GHR: variants seen among roughly 807,000 people sequenced by gnomAD.
GHR encodes the protein growth hormone receptor.
A neutral mutation model predicts 67.1 loss-of-function variants in GHR; 35 were observed. The observed-to-expected ratio is 0.52, with a 90% confidence interval of 0.40 to 0.69. GHR has a LOEUF of 0.69. GHR is among the 30% of genes least tolerant of loss of function. The pLI is 0.00. For missense variants in GHR, 792 were observed against 764.6 expected (o/e 1.04, Z -0.42); for synonymous variants, 272 against 269.1 (o/e 1.01, Z -0.10).
intron 3 of GHR, among the ~76,000 whole-genome samples, chr5:42,649,071 C>G (rs1456241763): frequency 6.6e-6 from 1 of 152,116 alleles, no homozygotes; most frequent in Non-Finnish European, 1.5e-5. Context: ...CCTCAGAAGC[C>G]TAACTGGAGC....
intron 1 of GHR, among the ~76,000 whole-genome samples, chr5:42,469,425 T>C (rs1270696342): frequency 6.6e-6 from 1 of 152,094 alleles, no homozygotes; most frequent in Non-Finnish European, 1.5e-5. Context: ...TATTCCACTT[T>C]GACAGAACAG....
chr5:42,668,980 G>A, intron 3 of GHR, among the ~76,000 whole-genome samples: 1 of 152,096 alleles, frequency 6.6e-6, no homozygotes, highest in Admixed American at 6.6e-5. Context: ...CATAGACTTA[G>A]GAATTTTAAT....
intron 1 of GHR, among the ~76,000 whole-genome samples, chr5:42,535,381 G>A (rs1748211103): frequency 6.6e-6 from 1 of 152,088 alleles, no homozygotes; most frequent in Admixed American, 6.6e-5. Context: ...TATGTGACTA[G>A]CCAATTATCC....
intron 3 of GHR, among the ~76,000 whole-genome samples, chr5:42,665,879 C>G (rs866313003): frequency 2.4e-4 from 37 of 152,226 alleles, no homozygotes; most frequent in Non-Finnish European, 2.6e-4. Context: ...GAAAAGAAAG[C>G]ATGTGCAGGG....
chr5:42,527,411 T>C (rs1443497981), intron 1 of GHR, among the ~76,000 whole-genome samples: 1 of 152,052 alleles, frequency 6.6e-6, no homozygotes, highest in Non-Finnish European at 1.5e-5. Context: ...GGGGTTGCAA[T>C]CCTAATTTCA....
At chr5:42,443,994 C>T (rs372304151) in intron 1 of GHR, among the ~76,000 whole-genome samples, 4,038 of 101,560 alleles carry the variant, frequency 0.04, 76 homozygotes, top group Non-Finnish European at 0.053. Flanking sequence ...TAGATATAGA[C>T]ATAGACATAG....
At chr5:42,577,853 G>C (rs1388999196) in intron 2 of GHR, among the ~76,000 whole-genome samples, 1 of 152,186 alleles carries the variant, frequency 6.6e-6, no homozygotes, top group Admixed American at 6.5e-5. Flanking sequence ...CCATGAACTT[G>C]CTGTTCCTCT....
At position 42,642,053 on chromosome 5, in the gene GHR, AT is replaced by A. The variant is rs1754503168; in HGVS notation, c.136+12951del. On this transcript the variant is annotated intron_variant, in intron 3 of 9. Coordinates refer to ENST00000230882, the MANE Select transcript of GHR (RefSeq NM_000163.5). ...GAAAATAATTAGGAGAAGAAATCAT[AT>A]GTTTTCAGATGAAAAGAATCTGAGG... 3.7e-5 allele frequency among the ~76,000 whole-genome samples: 4 copies of A among 108,566 alleles called. No homozygotes were observed. The South Asian group carries it at 9.5e-4, about 26-fold the overall frequency. The allele number at this position is 108,566 out of a possible 152,430, so 71.2% of individuals were successfully genotyped here. A position where few individuals can be genotyped will look rare whatever the true frequency, so the allele number is the denominator to read the frequency against.
rs1302919487 is a variant in GHR at position 42,629,445 on chromosome 5, A to T, written c.136+342A>T. Among the ~76,000 whole-genome samples, 4 of 130,226 alleles carry T rather than the reference A, an allele frequency of 3.1e-5. 1 individual carries two copies. Among genetic ancestry groups the T allele is most frequent in the Non-Finnish European group, 6.5e-5 (4 of 61,998 alleles). 85.4% of individuals were successfully genotyped at this position (130,226 alleles called of 152,430 possible). On this transcript the variant is annotated intron_variant, in intron 3 of 9. Transcript: ENST00000230882. Reference sequence around the variant, plus strand: ...GAGTTCTCATGAGATCTGGTTGTTTAAAAGTGTGTGGCACCTCCCCCTTCA... The same window carrying T: ...GAGTTCTCATGAGATCTGGTTGTTTTAAAGTGTGTGGCACCTCCCCCTTCA...
At chr5:42,428,760 TTCTTCA>T (rs1742963816) in intron 1 of GHR, among the ~76,000 whole-genome samples, 1 of 152,158 alleles carries the variant, frequency 6.6e-6, no homozygotes, top group Non-Finnish European at 1.5e-5. Flanking sequence ...TCCCAACAAG[TTCTTCA>T]TCTTCATCTG....
At chr5:42,447,542 C>T (rs1009701046) in intron 1 of GHR, among the ~76,000 whole-genome samples, 32 of 152,028 alleles carry the variant, frequency 2.1e-4, no homozygotes, top group African/African-American at 7.5e-4. Flanking sequence ...GGCATTTAGG[C>T]TTGTTCCATA....
At chr5:42,525,721 C>T (rs576262353) in intron 1 of GHR, among the ~76,000 whole-genome samples, 39 of 151,990 alleles carry the variant, frequency 2.6e-4, no homozygotes, top group Non-Finnish European at 5.1e-4. Flanking sequence ...TGGGAGGGAC[C>T]CAGGGGGAGG....
chr5:42,565,832 T>C, intron 1 of GHR, 32 bp from the exon 2 acceptor site: 2 of 1,613,936 alleles, frequency 1.2e-6, no homozygotes, highest in Non-Finnish European at 1.7e-6. Context: ...TTTTAATTGC[T>C]GGGCTTTACC....
chr5:42,717,144 C>CA (rs1395740343), intron 8 of GHR, among the ~76,000 whole-genome samples: 1 of 152,106 alleles, frequency 6.6e-6, no homozygotes, highest in East Asian at 1.9e-4. Context: ...GACTCCATTA[C>CA]AAAAAATGAA....
At chr5:42,611,546 G>C (rs1028145018) in intron 2 of GHR, among the ~76,000 whole-genome samples, 1 of 152,026 alleles carries the variant, frequency 6.6e-6, no homozygotes, top group African/African-American at 2.4e-5. Context: ...GTATGTTAGG[G>C]GACAAAACGC....
Position 42,534,151 on chromosome 5 carries a change from T to C in GHR, c.-11-31713T>C, listed in dbSNP as rs543120230. ...ATATATGTACATATGTATATATGTA[T>C]GTATATATATGTACATATGTATATA... On this transcript the variant is annotated intron_variant, in intron 1 of 9. Coordinates refer to ENST00000230882, the MANE Select transcript of GHR (RefSeq NM_000163.5). Among the ~76,000 whole-genome samples, 122 of 147,730 alleles carry C rather than the reference T, an allele frequency of 8.3e-4. 1 individual carries two copies. The highest frequency in any genetic ancestry group is 2.7e-3 in the African/African-American group (111 of 40,598).
At chr5:42,508,468 G>T (rs2112256313) in intron 1 of GHR, among the ~76,000 whole-genome samples, 1 of 152,304 alleles carries the variant, frequency 6.6e-6, no homozygotes, top group African/African-American at 2.4e-5. Flanking sequence ...TCATATGAAA[G>T]CAGGATTGGT....
At chr5:42,438,355 CCTATGTGATGGTT>C (rs1743423727) in intron 1 of GHR, among the ~76,000 whole-genome samples, 1 of 152,154 alleles carries the variant, frequency 6.6e-6, no homozygotes, top group South Asian at 2.1e-4. Flanking sequence ...CTAACCACTG[CCTATGTGATGGTT>C]CTTTGAAATT....
At chr5:42,663,984 C>T (rs1216165002) in intron 3 of GHR, among the ~76,000 whole-genome samples, 1 of 152,058 alleles carries the variant, frequency 6.6e-6, no homozygotes, top group East Asian at 1.9e-4. Context: ...GAGTGAACTC[C>T]CATTCACAAT....
Sources: gnomAD v4.1 joint callset for allele counts (sites outside exome capture counted in the v4.1 genomes callset) on GRCh38, gnomAD v4.1.1 for gene constraint, MANE v1.5 for transcripts, NCBI Gene and HGNC (gene_info 2026-07-23, HGNC 2026-07-21) for gene names.